PPEF1: variants seen among roughly 807,000 people sequenced by gnomAD.
PPEF1 encodes the protein protein phosphatase with EF-hand domain 1.
PPEF1 carries 12 observed loss-of-function variants against 53.3 expected under a neutral mutation model. The observed-to-expected ratio is 0.23, with a 90% confidence interval of 0.14 to 0.36. The LOEUF (loss-of-function observed/expected upper bound fraction) is 0.36. Ranked by LOEUF, PPEF1 falls within the 10% of genes least tolerant of loss-of-function variation. PPEF1 has a pLI of 1.00. For synonymous variants in PPEF1, 165 were observed against 176.7 expected (o/e 0.93, Z 0.52); for missense variants, 334 against 490.4 (o/e 0.68, Z 3.01).
In PPEF1 at chrX:18,826,417, C is replaced by CTTTTTTTTTTTTTT. The variant is rs58697941; in HGVS notation, c.1750+597_1750+610dup. On this transcript the variant is annotated intron_variant, in intron 15 of 15. Transcript: ENST00000470157. ...AAGGGCTATGAAAAGTCATTTTCTG[C>CTTTTTTTTTTTTTT]TTTTTTTTTTTTTTTTTTTTTTTTT... 2.0e-4 allele frequency among the ~76,000 whole-genome samples: 5 copies of CTTTTTTTTTTTTTT among 24,626 alleles called. 1 individual carries two copies. Among genetic ancestry groups the CTTTTTTTTTTTTTT allele is most frequent in the African/African-American group, 1.0e-3 (5 of 4,821 alleles). 21.4% of individuals were successfully genotyped at this position (24,626 alleles called of 115,157 possible). A position where few individuals can be genotyped will look rare whatever the true frequency, so the allele number is the denominator to read the frequency against.
intron 1 of PPEF1, among the ~76,000 whole-genome samples, chrX:18,721,285 A>G (rs1018345510): frequency 2.7e-5 from 3 of 112,164 alleles, no homozygotes; most frequent in Non-Finnish European, 5.6e-5. Flanking sequence ...TTTGGCTACA[A>G]TTCCTTGATG....
At chrX:18,684,269 A>G (rs1026239568) in intron 1 of PPEF1, among the ~76,000 whole-genome samples, 4 of 112,068 alleles carry the variant, frequency 3.6e-5, no homozygotes, top group African/African-American at 6.5e-5. Context: ...TTGTTCCAGT[A>G]TGTTAATGGA....
At chrX:18,688,236 A>G (rs754519455) in intron 3 of PPEF1, among the ~76,000 whole-genome samples, 8 of 112,069 alleles carry the variant, frequency 7.1e-5, no homozygotes, top group Non-Finnish European at 1.3e-4. Context: ...AAACCAGAGA[A>G]ATCTTGGCTC....
intron 10 of PPEF1, among the ~76,000 whole-genome samples, chrX:18,796,222 C>T (rs1291430452): frequency 8.9e-6 from 1 of 112,559 alleles, no homozygotes; most frequent in African/African-American, 3.2e-5. Flanking sequence ...TCCCAAAGTG[C>T]TGGGATTACA....
chrX:18,818,169 C>G, intron 13 of PPEF1, 24 bp downstream of exon 13: 1 of 1,058,267 alleles, frequency 9.4e-7, no homozygotes. Flanking sequence ...ATAACATTTA[C>G]CATTTCTTAA....
In PPEF1 at chrX:18,757,637, C is replaced by T. The variant is rs758649881; in HGVS notation, c.407C>T (p.Ala136Val). Residue 136 changes from alanine (A) to valine (V), a missense_variant, in exon 5 of 16, where the codon GCC (alanine) becomes GTC (valine). Transcript: ENST00000470157. ...GCTTCCCGCTCACAGATACTTCATG[C>T]CCATTATGTCTTAGAGGTGCTATTT... is the stretch of plus-strand genomic sequence containing the variant. ...EAFKEQQILHAHYVLEVLFET... is the reference protein window; with the variant it reads ...EAFKEQQILHVHYVLEVLFET... The T allele has an allele frequency of 5.5e-5, 66 of 1,199,185 alleles. No individual in the cohort carries two copies. The Middle Eastern group carries it at 9.2e-4, about 17-fold the overall frequency.
intron 8 of PPEF1, among the ~76,000 whole-genome samples, chrX:18,782,643 T>C (rs192877946): frequency 7.1e-4 from 80 of 111,952 alleles, no homozygotes; most frequent in African/African-American, 2.5e-3. Flanking sequence ...TTAGCATAGA[T>C]ACATATTTCA....
At chrX:18,821,801 G>GAGAGAGAA (rs1229443718) in intron 13 of PPEF1, among the ~76,000 whole-genome samples, 2 of 73,891 alleles carry the variant, frequency 2.7e-5, no homozygotes, top group African/African-American at 7.3e-5. Context: ...GAGAGAGAGA[G>GAGAGAGAA]AGAAAACAAA....
intron 6 of PPEF1, among the ~76,000 whole-genome samples, chrX:18,767,503 C>A (rs1474120022): frequency 8.9e-6 from 1 of 112,071 alleles, no homozygotes; most frequent in Non-Finnish European, 1.9e-5. Flanking sequence ...CGAGATCGTG[C>A]CACTGCACTC....
intron 1 of PPEF1, among the ~76,000 whole-genome samples, chrX:18,720,615 C>T (rs984139004): frequency 8.1e-5 from 9 of 111,056 alleles, no homozygotes; most frequent in African/African-American, 2.9e-4. Flanking sequence ...AAATTTCTTT[C>T]AAAAGAAAAA....
rs768173141 is a variant in PPEF1, at chrX:18,749,783, C to G, written c.236-9C>G. 33 of 734,675 alleles carry G rather than the reference C, an allele frequency of 4.5e-5. No individual in the cohort carries two copies. The highest frequency in any genetic ancestry group is 5.5e-5 in the Non-Finnish European group (30 of 541,147). The allele number at this position is 734,675 out of a possible 1,213,427, so 60.5% of individuals were successfully genotyped here. On this transcript the variant is annotated splice_polypyrimidine_tract_variant and intron_variant, in intron 3 of 15. Transcript: ENST00000470157. ...CCCCCACCCCCCCGTTCTGTCCTTC[C>G]TTTTCCAGAATTAAGAAATCAGTCT...
At chrX:18,801,274 A>G (rs1403866341) in intron 10 of PPEF1, among the ~76,000 whole-genome samples, 6 of 111,347 alleles carry the variant, frequency 5.4e-5, no homozygotes, top group Non-Finnish European at 1.1e-4. Context: ...TCTTTTCTCT[A>G]GTTCTGACCA....
chrX:18,764,942 AC>A (rs1412244744), intron 6 of PPEF1, among the ~76,000 whole-genome samples: 1 of 112,074 alleles, frequency 8.9e-6, no homozygotes, highest in Non-Finnish European at 1.9e-5. Context: ...TGTCTGCAAA[AC>A]TATATGGAAC....
intron 6 of PPEF1, among the ~76,000 whole-genome samples, chrX:18,774,916 A>G (rs1852077695): frequency 9.0e-6 from 1 of 110,893 alleles, no homozygotes; most frequent in South Asian, 3.7e-4. Context: ...TGTGTGTAGA[A>G]GTCGTGTTTC....
chrX:18,739,497 C>A (rs2045088548), intron 3 of PPEF1, among the ~76,000 whole-genome samples: 1 of 111,795 alleles, frequency 8.9e-6, no homozygotes, highest in Non-Finnish European at 1.9e-5. Flanking sequence ...TCTCTGGAAA[C>A]TTCGTCTCAG....
intron 6 of PPEF1, among the ~76,000 whole-genome samples, chrX:18,763,873 G>A (rs1382139037): frequency 3.6e-5 from 4 of 110,879 alleles, no homozygotes; most frequent in Non-Finnish European, 7.5e-5. Context: ...CTGTCAGAGA[G>A]TGTCAGGAGG....
At chrX:18,824,808 C>T (rs755119812) in intron 14 of PPEF1, among the ~76,000 whole-genome samples, 22 of 109,855 alleles carry the variant, frequency 2.0e-4, no homozygotes, top group East Asian at 1.2e-3. Flanking sequence ...AGATTACAGG[C>T]GCCTGCCACC....
At chrX:18,746,486 G>A (rs1401064399) in intron 3 of PPEF1, among the ~76,000 whole-genome samples, 1 of 111,583 alleles carries the variant, frequency 9.0e-6, no homozygotes, top group Non-Finnish European at 1.9e-5. Flanking sequence ...ATGGTCATCA[G>A]ATCTATGGAA....
At chrX:18,718,108 C>T (rs1046340148) in intron 1 of PPEF1, among the ~76,000 whole-genome samples, 3 of 111,721 alleles carry the variant, frequency 2.7e-5, no homozygotes, top group Non-Finnish European at 5.6e-5. Context: ...ATGAAACAGA[C>T]AAAACAAAAC....
Sources: gnomAD v4.1 joint callset for allele counts (sites outside exome capture counted in the v4.1 genomes callset) on GRCh38, gnomAD v4.1.1 for gene constraint, MANE v1.5 for transcripts, NCBI Gene and HGNC (gene_info 2026-07-23, HGNC 2026-07-21) for gene names.